TENM3: variants seen among roughly 807,000 people sequenced by gnomAD.
TENM3 encodes teneurin-3.
Under a neutral mutation model 255.1 loss-of-function variants are expected in TENM3, and 63 were observed. The observed-to-expected ratio is 0.25, with a 90% CI of 0.20 to 0.30. The LOEUF (loss-of-function observed/expected upper bound fraction) is 0.30, where lower values mean the gene tolerates loss of function less well. TENM3 is among the 10% of genes least tolerant of loss of function. The probability of loss-of-function intolerance (pLI) is 1.00; values close to 1 mark genes in which losing one functional copy is unlikely to be tolerated. For missense variants in TENM3, 2,929 were observed against 3,461.1 expected (o/e 0.85, Z 3.86); for synonymous variants, 1,306 against 1,322.3 (o/e 0.99, Z 0.27).
chr4:181,655,783 C>G, the TENM3 span, among the ~76,000 whole-genome samples: 11 of 152,138 alleles, frequency 7.2e-5, no homozygotes, highest in South Asian at 2.3e-3. Flanking sequence ...AGTCCAGAAG[C>G]GATAAAGTAC....
At chr4:182,100,606 TACACACATATATATACACACAC>T in the TENM3 span, among the ~76,000 whole-genome samples, 1 of 111,216 alleles carries the variant, frequency 9.0e-6, no homozygotes, top group African/African-American at 3.3e-5. Context: ...TACACATATA[TACACACATATATATACACACAC>T]ATATATACAC....
chr4:182,095,801 G>A, the TENM3 span, among the ~76,000 whole-genome samples: 13 of 152,004 alleles, frequency 8.6e-5, no homozygotes, highest in African/African-American at 2.9e-4. Context: ...ATTACCTGGT[G>A]TATGCTTGTA....
chr4:181,641,552 GTGTATATA>G, the TENM3 span, among the ~76,000 whole-genome samples: 37 of 21,692 alleles, frequency 1.7e-3, 1 homozygote, highest in South Asian at 4.2e-3. Flanking sequence ...CATGGTGTGT[GTGTATATA>G]TATATATATA....
At chr4:181,653,549 C>T in the TENM3 span, among the ~76,000 whole-genome samples, 1 of 152,014 alleles carries the variant, frequency 6.6e-6, no homozygotes, top group African/African-American at 2.4e-5. Context: ...TACAGGCACC[C>T]ACCACCACAC....
chr4:182,621,732 TATATAATATATA>T (rs1750240602), intron 4 of TENM3, among the ~76,000 whole-genome samples: 3 of 7,398 alleles, frequency 4.1e-4, no homozygotes, highest in Non-Finnish European at 1.8e-3. Flanking sequence ...ATATATAAAA[TATATAATATATA>T]ATATATTATA....
intron 13 of TENM3, among the ~76,000 whole-genome samples, chr4:182,715,084 A>G (rs547502934): frequency 2.1e-4 from 32 of 152,262 alleles, no homozygotes; most frequent in African/African-American, 7.0e-4. Flanking sequence ...GGGTTTCTCC[A>G]TGTTGGTCAG....
At chr4:182,402,806 A>C (rs1769297577) in intron 3 of TENM3, among the ~76,000 whole-genome samples, 1 of 152,192 alleles carries the variant, frequency 6.6e-6, no homozygotes, top group Non-Finnish European at 1.5e-5. Context: ...TTTGTTAGCT[A>C]TATGGTGTTG....
chr4:182,459,978 C>T (rs1391888984), intron 3 of TENM3, among the ~76,000 whole-genome samples: 1 of 152,014 alleles, frequency 6.6e-6, no homozygotes, highest in Non-Finnish European at 1.5e-5. Flanking sequence ...TAAAATTCAT[C>T]GCCAGCCCCC....
chr4:181,968,906 A>G, the TENM3 span, among the ~76,000 whole-genome samples: 2 of 152,138 alleles, frequency 1.3e-5, no homozygotes, highest in Non-Finnish European at 2.9e-5. Context: ...TATGCATGAC[A>G]TATGACATCT....
chr4:181,608,649 A>G, the TENM3 span, among the ~76,000 whole-genome samples: 1 of 151,906 alleles, frequency 6.6e-6, no homozygotes, highest in Non-Finnish European at 1.5e-5. Context: ...AAAGAACTGA[A>G]GTAAATTAGC....
At chr4:182,442,859 CA>C (rs1772614909) in intron 3 of TENM3, among the ~76,000 whole-genome samples, 1 of 149,614 alleles carries the variant, frequency 6.7e-6, no homozygotes, top group Non-Finnish European at 1.5e-5. Context: ...CACACACACA[CA>C]CACACACACA....
At chr4:182,311,606 C>T (rs571987911) in intron 1 of TENM3, among the ~76,000 whole-genome samples, 21 of 152,114 alleles carry the variant, frequency 1.4e-4, no homozygotes, top group Admixed American at 8.5e-4. Context: ...TTCTGTCATG[C>T]GAAAATGGAG....
chr4:182,216,045 C>G (rs1341198184), intron 1 of TENM3, among the ~76,000 whole-genome samples: 3 of 152,174 alleles, frequency 2.0e-5, no homozygotes. Flanking sequence ...AAAATCCTGT[C>G]TTTAAAATAT....
intron 24 of TENM3, among the ~76,000 whole-genome samples, chr4:182,785,977 C>T (rs573000758): frequency 1.1e-4 from 17 of 152,214 alleles, no homozygotes; most frequent in African/African-American, 3.1e-4. Context: ...TAACAGAGAG[C>T]GGTGTCTGGA....
At chr4:181,834,433 G>T in the TENM3 span, among the ~76,000 whole-genome samples, 5 of 152,318 alleles carry the variant, frequency 3.3e-5, no homozygotes, top group East Asian at 9.6e-4. Context: ...ATTCCAGGGG[G>T]CTTACCGCAT....
chr4:182,109,267 TA>T, the TENM3 span, among the ~76,000 whole-genome samples: 1 of 148,818 alleles, frequency 6.7e-6, no homozygotes, highest in Non-Finnish European at 1.5e-5. Context: ...ATTCATATTA[TA>T]ATTATGTCAC....
chr4:182,136,786 A>C, the TENM3 span, among the ~76,000 whole-genome samples: 2 of 152,250 alleles, frequency 1.3e-5, no homozygotes, highest in Admixed American at 6.5e-5. Flanking sequence ...CTGTTTCAAC[A>C]TAAGATGAAA....
At chr4:182,613,482 A>C (rs74942635) in intron 4 of TENM3, among the ~76,000 whole-genome samples, 5 of 152,098 alleles carry the variant, frequency 3.3e-5, no homozygotes, top group African/African-American at 1.2e-4. Flanking sequence ...AGTAAGTCGT[A>C]ATAGAAACAC....
chr4:182,626,141 C>T (rs1401424316), intron 4 of TENM3, among the ~76,000 whole-genome samples: 1 of 152,164 alleles, frequency 6.6e-6, no homozygotes, highest in Non-Finnish European at 1.5e-5. Flanking sequence ...AGTGATATCG[C>T]TGGAAAAGCC....
Sources: allele counts gnomAD v4.1 joint callset (sites outside exome capture counted in the v4.1 genomes callset), GRCh38; gene constraint gnomAD v4.1.1; transcripts MANE v1.5; gene names NCBI Gene and HGNC (gene_info 2026-07-23, HGNC 2026-07-21).